The following YBX1 variants were observed in gnomAD, a reference collection of about 807,000 sequenced individuals.
YBX1 encodes Y-box-binding protein 1.
Under a neutral mutation model 41.4 loss-of-function variants are expected in YBX1, and 3 were observed. The observed-to-expected ratio is 0.07, with a 90% CI of 0.03 to 0.19. The LOEUF (loss-of-function observed/expected upper bound fraction) is 0.19. Among genes scored for constraint, YBX1 ranks in the 10% least tolerant of loss-of-function variants. YBX1 has a pLI of 1.00. For missense variants in YBX1, 274 were observed against 462.8 expected (o/e 0.59, Z 3.74); for synonymous variants, 133 against 165.8 (o/e 0.80, Z 1.52).
intron 3 of YBX1, 74 bp downstream of exon 3, chr1:42,693,597 T>G (rs1650392720): frequency 2.0e-6 from 3 of 1,532,402 alleles, no homozygotes; most frequent in Non-Finnish European, 2.7e-6. Context: ...TGTTCTCAGC[T>G]TTTGTTCCTT....
chr1:42,692,344 G>T (rs1160318785), intron 2 of YBX1, among the ~76,000 whole-genome samples: 1 of 152,134 alleles, frequency 6.6e-6, no homozygotes, highest in Admixed American at 6.5e-5. Context: ...TGGACAGATG[G>T]ACATTAGGTA....
chr1:42,685,584 G>A (rs1650173177), intron 2 of YBX1, among the ~76,000 whole-genome samples: 1 of 152,190 alleles, frequency 6.6e-6, no homozygotes, highest in East Asian at 1.9e-4. Flanking sequence ...AGACTTGGCT[G>A]GAGGCACCTG....
intron 2 of YBX1, among the ~76,000 whole-genome samples, chr1:42,686,135 A>G (rs576257511): frequency 3.3e-5 from 5 of 152,336 alleles, no homozygotes; most frequent in Non-Finnish European, 5.9e-5. Context: ...AAAGATTACC[A>G]TGAATTGGCA....
At chr1:42,699,949 A>C (rs1442141155) in intron 6 of YBX1, among the ~76,000 whole-genome samples, 1 of 152,232 alleles carries the variant, frequency 6.6e-6, no homozygotes, top group African/African-American at 2.4e-5. Context: ...GTTACACTCG[A>C]ACCTTAGTAA....
At chr1:42,694,615 A>G (rs367903286) in intron 3 of YBX1, among the ~76,000 whole-genome samples, 124 of 152,360 alleles carry the variant, frequency 8.1e-4, no homozygotes, top group African/African-American at 2.8e-3. Context: ...GAAGTGTCCT[A>G]CACAGTATTT....
intron 2 of YBX1, 149 bp downstream of exon 2, chr1:42,683,615 G>A: frequency 1.2e-6 from 1 of 846,372 alleles, no homozygotes; most frequent in Non-Finnish European, 1.8e-6. Flanking sequence ...TTTTGTTGTT[G>A]TTGTTTTCCT....
At position 42,702,883 on chromosome 1, in the gene YBX1, G is replaced by T. The variant is rs1456423410; in HGVS notation, c.*934G>T. Among the ~76,000 whole-genome samples, 1 of 152,170 alleles carries T rather than the reference G, an allele frequency of 6.6e-6. No individual in the cohort carries two copies. The highest frequency in any genetic ancestry group is 1.5e-5 in the Non-Finnish European group (1 of 68,028). The stretch of plus-strand genomic sequence containing the variant: ...TAGGAACATGGAGGTTGGTGAGCTT[G>T]TAATTATGTGGTTCTCAACACCTTA... On this transcript the variant is annotated 3_prime_UTR_variant, in exon 8 of 8. Transcript: ENST00000321358.
Position 42,697,169 on chromosome 1 carries a change from G to C in YBX1, c.658-11G>C. ...TGACCCAGTAGGCTTAATTTCCATT[G>C]TCTTTTTCAGGGTGCTGACAACCAG... On this transcript the variant is annotated splice_polypyrimidine_tract_variant and intron_variant, in intron 5 of 7. Transcript: ENST00000321358. 1 of 1,611,784 alleles carries C rather than the reference G, an allele frequency of 6.2e-7. No individual in the cohort carries two copies. Among genetic ancestry groups the C allele is most frequent in the Non-Finnish European group, 8.5e-7 (1 of 1,179,356 alleles).
intron 2 of YBX1, among the ~76,000 whole-genome samples, chr1:42,689,955 T>C (rs1650289477): frequency 6.6e-6 from 1 of 152,188 alleles, no homozygotes; most frequent in Non-Finnish European, 1.5e-5. Context: ...CCTACCTTAG[T>C]AATGTAAGTT....
intron 2 of YBX1, among the ~76,000 whole-genome samples, chr1:42,690,419 C>T (rs192324557): frequency 2.3e-4 from 35 of 152,178 alleles, no homozygotes; most frequent in African/African-American, 8.2e-4. Context: ...CATACACTAA[C>T]CCAATGAATA....
chr1:42,698,430 T>C (rs1010284474), intron 6 of YBX1, among the ~76,000 whole-genome samples: 2 of 152,334 alleles, frequency 1.3e-5, no homozygotes, highest in African/African-American at 4.8e-5. Context: ...ATGCTGGATG[T>C]TGAAGATAGA....
intron 2 of YBX1, among the ~76,000 whole-genome samples, chr1:42,692,762 G>A (rs1020688931): frequency 6.6e-5 from 10 of 152,200 alleles, no homozygotes; most frequent in African/African-American, 2.4e-4. Flanking sequence ...TGCTCCTCGT[G>A]TTATCACCTT....
chr1:42,691,410 C>T (rs1650323854), intron 2 of YBX1, among the ~76,000 whole-genome samples: 1 of 152,184 alleles, frequency 6.6e-6, no homozygotes, highest in African/African-American at 2.4e-5. Context: ...GGATGGAGTA[C>T]AGTGGCATGA....
chr1:42,694,231 T>C (rs1650406635), intron 3 of YBX1, among the ~76,000 whole-genome samples: 1 of 152,144 alleles, frequency 6.6e-6, no homozygotes, highest in Admixed American at 6.5e-5. Flanking sequence ...ATAGTGAACT[T>C]TCTCCCTAAG....
At position 42,703,689 on chromosome 1, in the gene YBX1, T is replaced by C. The variant is rs572983564; in HGVS notation, c.*1740T>C. Among the ~76,000 whole-genome samples the C allele has an allele frequency of 6.6e-6, 1 of 152,234 alleles. No individual in the cohort carries two copies. Among genetic ancestry groups the C allele is most frequent in the South Asian group, 2.1e-4 (1 of 4,818 alleles). ...TTTGACTTAGGGGCTTTTAGTGGGG[T>C]TACGGTTTCTACTGAATCAACATTG... On this transcript the variant is annotated 3_prime_UTR_variant, in exon 8 of 8. Transcript: ENST00000321358.
intron 3 of YBX1, among the ~76,000 whole-genome samples, chr1:42,695,361 A>G (rs1204962264): frequency 3.3e-5 from 5 of 152,250 alleles, no homozygotes; most frequent in Non-Finnish European, 1.5e-5. Context: ...ACCTGGGTTT[A>G]GAAAGTCTCC....
At chr1:42,690,908 G>A (rs950307100) in intron 2 of YBX1, among the ~76,000 whole-genome samples, 7 of 152,140 alleles carry the variant, frequency 4.6e-5, no homozygotes, top group Admixed American at 1.3e-4. Flanking sequence ...ATTCACTGCC[G>A]GAAAAGGGTC....
chr1:42,684,737 T>C (rs1650150224), intron 2 of YBX1, among the ~76,000 whole-genome samples: 1 of 152,244 alleles, frequency 6.6e-6, no homozygotes, highest in Non-Finnish European at 1.5e-5. Context: ...TTTTTGATAA[T>C]GGCTTACTAG....
Position 42,696,521 on chromosome 1 carries a change from C to CA in YBX1, c.355-121_355-120insA. ...TGGTCACGCAGTTGCGCCCCCCCCCCCTTTTTTTTCCTTAACTTTGTTGTT... is the reference window on the plus strand; with the variant it reads ...TGGTCACGCAGTTGCGCCCCCCCCCCACTTTTTTTTCCTTAACTTTGTTGTT... On this transcript the variant is annotated intron_variant, in intron 4 of 7. Transcript: ENST00000321358. The surrounding 1 kb of genome is among the most constrained non-coding windows in gnomAD (Gnocchi z 5.7). 1.4e-6 allele frequency: 1 copy of CA among 726,960 alleles called. No homozygotes were observed. The highest frequency in any genetic ancestry group is 2.1e-6 in the Non-Finnish European group (1 of 470,592). 45.0% of individuals were successfully genotyped at this position (726,960 alleles called of 1,614,324 possible).
Sources: gnomAD v4.1 joint callset for allele counts (sites outside exome capture counted in the v4.1 genomes callset) on GRCh38, gnomAD v4.1.1 for gene constraint, Gnocchi (gnomAD v3.1) non-coding constraint, MANE v1.5 for transcripts, NCBI Gene and HGNC (gene_info 2026-07-23, HGNC 2026-07-21) for gene names.